The following SLC38A11 variants were observed in gnomAD, a reference collection of about 807,000 sequenced individuals.
SLC38A11 encodes putative sodium-coupled neutral amino acid transporter 11.
A neutral mutation model predicts 49.4 loss-of-function variants in SLC38A11; 51 were observed. The observed-to-expected ratio is 1.03, with a 90% CI of 0.83 to 1.30. The LOEUF (loss-of-function observed/expected upper bound fraction) is 1.30. Among genes scored for constraint, SLC38A11 ranks in the 50% most tolerant of loss-of-function variants. SLC38A11 has a pLI of 0.00. For synonymous variants in SLC38A11, 203 were observed against 192.9 expected, an observed-to-expected ratio of 1.05 and a Z score of -0.43; for missense variants, 574 against 556.2, an observed-to-expected ratio of 1.03 and a Z score of -0.32.
At chr2:164,918,296 A>C (rs1039862048) in intron 7 of SLC38A11, among the ~76,000 whole-genome samples, 6 of 152,228 alleles carry the variant, frequency 3.9e-5, no homozygotes, top group African/African-American at 1.4e-4. Flanking sequence ...GAGTTTAATA[A>C]CAAAATATTA....
chr2:164,906,129 A>G (rs1040460055), intron 11 of SLC38A11, among the ~76,000 whole-genome samples: 5 of 152,170 alleles, frequency 3.3e-5, no homozygotes, highest in African/African-American at 9.7e-5. Flanking sequence ...GGCTATCACT[A>G]TGTAGTGAAT....
In SLC38A11 at chr2:164,932,346, G is replaced by T. The variant is rs182280633; in HGVS notation, c.617+5004C>A. 4.2e-3 allele frequency among the ~76,000 whole-genome samples: 638 copies of T among 152,248 alleles called. 2 individuals are homozygous for T. The highest frequency in any genetic ancestry group is 0.015 in the African/African-American group (621 of 41,546). On this transcript the variant is annotated intron_variant, in intron 7 of 11. Transcript: ENST00000685975. ...ATAAGTTCAACCATTGTGGAAGACA[G>T]TGTGGTGATTCCTCAAAGATCTGAA...
At position 164,897,515 on chromosome 2, in the gene SLC38A11, C is replaced by T. The variant is rs1265690422; in HGVS notation, c.*922G>A. 6.6e-6 allele frequency: 1 copy of T among 152,220 alleles called. No homozygotes were observed. The highest frequency in any genetic ancestry group is 1.5e-5 in the Non-Finnish European group (1 of 68,112). 9.4% of individuals were successfully genotyped at this position (152,220 alleles called of 1,614,324 possible). On this transcript the variant is annotated 3_prime_UTR_variant, in exon 12 of 12. Transcript: ENST00000685975. ...CTCTCCCATTAGTTATGATAAACTC[C>T]ATCTCACTATCTGCTCCCAAAGACC...
chr2:164,939,625 C>T (rs1420272163), intron 5 of SLC38A11, 69 bp from the exon 6 acceptor site: 1 of 950,668 alleles, frequency 1.1e-6, no homozygotes, highest in East Asian at 2.6e-5. Context: ...CTAAATAGGC[C>T]AGCATTTAAT....
chr2:164,920,046 G>A (rs1686073542), intron 7 of SLC38A11, among the ~76,000 whole-genome samples: 2 of 152,084 alleles, frequency 1.3e-5, no homozygotes, highest in Admixed American at 1.3e-4. Flanking sequence ...GAGACTGAGG[G>A]AGGTGGGTCA....
intron 6 of SLC38A11, among the ~76,000 whole-genome samples, chr2:164,937,927 C>T (rs1336153716): frequency 6.6e-6 from 1 of 151,746 alleles, no homozygotes; most frequent in Non-Finnish European, 1.5e-5. Flanking sequence ...TCTCTGCTCT[C>T]CAGCTCTACT....
chr2:164,914,530 G>A (rs1685629510), intron 9 of SLC38A11, among the ~76,000 whole-genome samples: 1 of 151,828 alleles, frequency 6.6e-6, no homozygotes, highest in South Asian at 2.1e-4. Context: ...GTCTGGGTTA[G>A]AATTAAAACA....
At chr2:164,930,405 G>A (rs1008724871) in intron 7 of SLC38A11, among the ~76,000 whole-genome samples, 2 of 151,832 alleles carry the variant, frequency 1.3e-5, no homozygotes, top group Non-Finnish European at 1.5e-5. Flanking sequence ...ATTCTAAGAG[G>A]CCAACATCAT....
intron 3 of SLC38A11, among the ~76,000 whole-genome samples, chr2:164,949,587 C>G (rs1225223796): frequency 6.6e-6 from 1 of 152,130 alleles, no homozygotes; most frequent in Non-Finnish European, 1.5e-5. Flanking sequence ...TTTAAAATAT[C>G]CTGCAAACAC....
chr2:164,933,988 A>G (rs1046827479), intron 7 of SLC38A11, among the ~76,000 whole-genome samples: 4 of 152,156 alleles, frequency 2.6e-5, no homozygotes, highest in Non-Finnish European at 4.4e-5. Context: ...AAAATATTGT[A>G]TCACTACTAG....
intron 7 of SLC38A11, among the ~76,000 whole-genome samples, chr2:164,918,850 T>G (rs1685981035): frequency 6.6e-6 from 1 of 152,082 alleles, no homozygotes; most frequent in African/African-American, 2.4e-5. Context: ...ACAAAAACAC[T>G]AAATACTTTA....
intron 2 of SLC38A11, chr2:164,953,040 A>C: frequency 2.6e-6 from 1 of 382,736 alleles, no homozygotes; most frequent in Non-Finnish European, 4.7e-6. Flanking sequence ...AAAGCAGCAA[A>C]TGAAAAACAA....
chr2:164,907,405 C>G (rs1035914993), intron 11 of SLC38A11, among the ~76,000 whole-genome samples: 2 of 150,176 alleles, frequency 1.3e-5, no homozygotes, highest in Non-Finnish European at 3.0e-5. Flanking sequence ...TCTCAAGTAG[C>G]TGGGACTACA....
intron 11 of SLC38A11, among the ~76,000 whole-genome samples, chr2:164,905,119 C>A (rs554365124): frequency 2.3e-4 from 34 of 150,576 alleles, no homozygotes; most frequent in Non-Finnish European, 3.0e-4. Context: ...TATTATTATT[C>A]TTTTTTTTTA....
At chr2:164,949,010 G>T (rs565563166) in intron 3 of SLC38A11, among the ~76,000 whole-genome samples, 1 of 149,888 alleles carries the variant, frequency 6.7e-6, no homozygotes, top group African/African-American at 2.5e-5. Context: ...TTTTATTATG[G>T]TATTTTTTAT....
intron 3 of SLC38A11, among the ~76,000 whole-genome samples, chr2:164,949,572 C>T (rs1688382175): frequency 6.6e-6 from 1 of 152,144 alleles, no homozygotes; most frequent in Non-Finnish European, 1.5e-5. Flanking sequence ...GAAGTATTAA[C>T]AGATTTTAAA....
chr2:164,924,913 C>T (rs118018687), intron 7 of SLC38A11, among the ~76,000 whole-genome samples: 3,423 of 151,898 alleles, frequency 0.023, 279 homozygotes, highest in Admixed American at 0.16. Context: ...TTTTTGTATC[C>T]GCGCCCAGCT....
At chr2:164,915,787 A>C (rs962001046) in intron 8 of SLC38A11, 116 bp downstream of exon 8, 2 of 708,018 alleles carry the variant, frequency 2.8e-6, no homozygotes, top group South Asian at 5.0e-5. Context: ...TATGCTGCTA[A>C]TAGGAAGTCT....
intron 3 of SLC38A11, among the ~76,000 whole-genome samples, chr2:164,949,633 A>C (rs1688384145): frequency 1.3e-5 from 2 of 152,228 alleles, no homozygotes; most frequent in Non-Finnish European, 1.5e-5. Flanking sequence ...TCCTTTGCTT[A>C]AAATTAGGAA....
Sources: allele counts gnomAD v4.1 joint callset (sites outside exome capture counted in the v4.1 genomes callset), GRCh38; gene constraint gnomAD v4.1.1; transcripts MANE v1.5; gene names NCBI Gene and HGNC (gene_info 2026-07-23, HGNC 2026-07-21).